Variants in FOXN3 observed in about 807,000 individuals in gnomAD.
The protein encoded by FOXN3 is forkhead box N3.
Under a neutral mutation model 38.4 loss-of-function variants are expected in FOXN3, and 7 were observed. The ratio of observed to expected loss-of-function variants is 0.18; its 90% confidence interval spans 0.10 to 0.34. The LOEUF is 0.34. Ranked by LOEUF, FOXN3 falls within the 10% of genes least tolerant of loss-of-function variation. The probability of loss-of-function intolerance (pLI) is 1.00; values close to 1 mark genes in which losing one functional copy is unlikely to be tolerated. For synonymous variants in FOXN3, 230 were observed against 242.2 expected (o/e 0.95, Z 0.47); for missense variants, 456 against 613.4 (o/e 0.74, Z 2.71).
Position 89,350,797 on chromosome 14 carries a change from T to A in FOXN3, c.555A>T (p.Lys185Asn). The A allele has an allele frequency of 6.4e-7, 1 of 1,565,204 alleles. No individual in the cohort carries two copies. ...CTGGGTCTATGCACCACAACGACCC[T>A]TTCCCAATACTCTGCAAAGAAAATT... ...VDKERSQSIGKGSLWCIDPEY... is the reference protein window; with the variant it reads ...VDKERSQSIGNGSLWCIDPEY... The change falls in exon 3 of 6, where the codon AAA becomes AAT. Residue 185 changes from lysine to asparagine, a missense_variant. By Grantham distance (94) the Lys-to-Asn change is moderately conservative. Transcript: ENST00000557258.
At chr14:89,221,883 C>T (rs1021854394) in intron 4 of FOXN3, among the ~76,000 whole-genome samples, 3 of 150,622 alleles carry the variant, frequency 2.0e-5, no homozygotes, top group Admixed American at 6.6e-5. Context: ...AGTGCAGTGG[C>T]GCGATCTCGG....
chr14:89,206,588 C>T (rs1346636513), intron 4 of FOXN3, among the ~76,000 whole-genome samples: 1 of 152,122 alleles, frequency 6.6e-6, no homozygotes, highest in Non-Finnish European at 1.5e-5. Context: ...TCTGCAGGCC[C>T]GCCTGGCAAG....
At position 89,341,924 on chromosome 14, in the gene FOXN3, C is replaced by T. The variant is rs181591072; in HGVS notation, c.680+8748G>A. On this transcript the variant is annotated intron_variant, in intron 3 of 5. Coordinates refer to ENST00000557258, the MANE Select transcript of FOXN3 (RefSeq NM_005197.4). ...CTCAGGAATCCTTGGCTGGCTATCC[C>T]GAGAAGTAAATACTCACCAAGCAAA... Among the ~76,000 whole-genome samples the T allele has an allele frequency of 5.3e-3, 812 of 152,240 alleles. 5 individuals are homozygous for T. The highest frequency in any genetic ancestry group is 0.019 in the African/African-American group (770 of 41,536).
At chr14:89,558,629 G>A (rs192423907) in intron 1 of FOXN3, among the ~76,000 whole-genome samples, 2 of 152,362 alleles carry the variant, frequency 1.3e-5, no homozygotes, top group Admixed American at 1.3e-4. Flanking sequence ...AGGATTCTGG[G>A]ATCAAACTCC....
intron 4 of FOXN3, among the ~76,000 whole-genome samples, chr14:89,228,759 A>G (rs1884714410): frequency 6.6e-6 from 1 of 152,226 alleles, no homozygotes; most frequent in African/African-American, 2.4e-5. Context: ...CAGAACGAAT[A>G]TAACACCTGG....
rs185145591 is a variant in FOXN3, at chr14:89,330,932, A to T, written c.680+19740T>A. ...CTGGGCCCACCAAGGGGTAGGCTGA[A>T]GGAATAAACGGCTGCTGGAATGTGA... On this transcript the variant is annotated intron_variant, in intron 3 of 5. Transcript: ENST00000557258. Among the ~76,000 whole-genome samples, 10 of 152,340 alleles carry T rather than the reference A, an allele frequency of 6.6e-5. No homozygotes were observed. The East Asian group carries it at 1.9e-3, about 29-fold the overall frequency.
At chr14:89,433,371 A>G (rs576495722) in intron 1 of FOXN3, among the ~76,000 whole-genome samples, 1 of 152,288 alleles carries the variant, frequency 6.6e-6, no homozygotes, top group East Asian at 1.9e-4. Flanking sequence ...AGTCCCAGCT[A>G]CTCGGTAGAC....
At chr14:89,220,608 G>A (rs910787633) in intron 4 of FOXN3, among the ~76,000 whole-genome samples, 3 of 152,130 alleles carry the variant, frequency 2.0e-5, no homozygotes, top group Admixed American at 6.6e-5. Context: ...TGTATTCATG[G>A]GCTGGATCGG....
intron 3 of FOXN3, among the ~76,000 whole-genome samples, chr14:89,299,212 G>A (rs1403410935): frequency 6.6e-6 from 1 of 152,166 alleles, no homozygotes; most frequent in African/African-American, 2.4e-5. Flanking sequence ...TCAAGGGTGG[G>A]GCCAGGTGGA....
At chr14:89,244,494 C>T (rs1038906158) in intron 4 of FOXN3, among the ~76,000 whole-genome samples, 18 of 152,190 alleles carry the variant, frequency 1.2e-4, no homozygotes, top group Non-Finnish European at 2.4e-4. Context: ...AGCTATTAGA[C>T]TTTTTCTAGG....
chr14:89,410,983 CA>C (rs1190381917), intron 2 of FOXN3, among the ~76,000 whole-genome samples: 2 of 152,150 alleles, frequency 1.3e-5, no homozygotes, highest in African/African-American at 4.8e-5. Context: ...GGCTTTAAAG[CA>C]GGGGTCCCCA....
intron 1 of FOXN3, among the ~76,000 whole-genome samples, chr14:89,594,815 G>A (rs1896025231): frequency 6.6e-6 from 1 of 152,058 alleles, no homozygotes; most frequent in Admixed American, 6.6e-5. Context: ...GAATCCGGGA[G>A]GCAGAGGCTG....
Position 89,162,271 on chromosome 14 carries a change from TA to T in FOXN3, c.*142del. ...GAAGAGGGGGCAAATTAAAACAAAATAAAAGGAAAAGAAAAGAAAGAAAACC... is the reference window on the plus strand; with the variant it reads ...GAAGAGGGGGCAAATTAAAACAAAATAAAGGAAAAGAAAAGAAAGAAAACC... On this transcript the variant is annotated 3_prime_UTR_variant, in exon 6 of 6. Coordinates refer to ENST00000557258, the MANE Select transcript of FOXN3 (RefSeq NM_005197.4). This position sits in a 1 kb window ranked among gnomAD's most constrained non-coding sequence, Gnocchi z 7.2. 2.9e-6 allele frequency: 2 copies of T among 692,888 alleles called. No homozygotes were observed. Among genetic ancestry groups the T allele is most frequent in the Non-Finnish European group, 4.5e-6 (2 of 446,040 alleles). The allele number at this position is 692,888 out of a possible 1,614,324, so 42.9% of individuals were successfully genotyped here.
intron 4 of FOXN3, among the ~76,000 whole-genome samples, chr14:89,252,526 T>A (rs1311827071): frequency 1.3e-5 from 2 of 151,968 alleles, no homozygotes; most frequent in African/African-American, 4.8e-5. Flanking sequence ...TGGTGGTGCA[T>A]GCCTGTAATC....
At chr14:89,353,492 T>A (rs1271149394) in intron 2 of FOXN3, 1 of 152,092 alleles carries the variant, frequency 6.6e-6, no homozygotes, top group African/African-American at 2.4e-5. Context: ...CTCAACAAAT[T>A]CACTGGGAAG....
intron 2 of FOXN3, among the ~76,000 whole-genome samples, chr14:89,359,812 G>C (rs1387283050): frequency 6.6e-6 from 1 of 152,328 alleles, no homozygotes; most frequent in Middle Eastern, 3.4e-3. Context: ...GCCTGACTTA[G>C]AGAATAAAGC....
At chr14:89,192,823 T>A (rs933199164) in intron 4 of FOXN3, among the ~76,000 whole-genome samples, 106 of 147,350 alleles carry the variant, frequency 7.2e-4, no homozygotes, top group Admixed American at 2.1e-3. Context: ...TATAGAAAAA[T>A]ATATATATTT....
At chr14:89,491,061 G>A (rs1182499762) in intron 1 of FOXN3, among the ~76,000 whole-genome samples, 4 of 151,986 alleles carry the variant, frequency 2.6e-5, no homozygotes, top group African/African-American at 9.7e-5. Context: ...CACAGCCTCC[G>A]CCTCCCGGGT....
intron 2 of FOXN3, among the ~76,000 whole-genome samples, chr14:89,410,743 C>T (rs575425634): frequency 5.9e-5 from 9 of 152,078 alleles, no homozygotes; most frequent in Non-Finnish European, 1.0e-4. Context: ...TGTAGTGGCA[C>T]ACACCTGTGC....
Sources: gnomAD v4.1 joint callset for allele counts (sites outside exome capture counted in the v4.1 genomes callset) on GRCh38, gnomAD v4.1.1 for gene constraint, Gnocchi (gnomAD v3.1) non-coding constraint, MANE v1.5 for transcripts, NCBI Gene and HGNC (gene_info 2026-07-23, HGNC 2026-07-21) for gene names.